The following BTBD1 variants were observed in gnomAD, a reference collection of about 807,000 sequenced individuals.
The protein encoded by BTBD1 is BTB/POZ domain-containing protein 1.
BTBD1 carries 34 observed loss-of-function variants against 48.0 expected under a neutral mutation model. That is an observed-to-expected ratio of 0.71 (90% CI 0.54 to 0.94). The LOEUF is 0.94. Among genes scored for constraint, BTBD1 ranks in the 40% least tolerant of loss-of-function variants. BTBD1 has a pLI of 0.00. For synonymous variants in BTBD1, 261 were observed against 242.1 expected, an observed-to-expected ratio of 1.08 and a Z score of -0.72; for missense variants, 543 against 625.6, an observed-to-expected ratio of 0.87 and a Z score of 1.41.
rs759552661 is a variant in BTBD1, at chr15:83,066,846, G to C, written c.306C>G (p.Ala102=). The change falls in exon 1 of 8, where the codon GCC becomes GCG. Residue 102 remains alanine (A), a synonymous_variant. Transcript: ENST00000261721. The stretch of plus-strand genomic sequence containing the variant: ...CGCCGTTGAACATGGCGTCAAAGAC[G>C]GCGCTGCCGGCCGCCAGCACGAAGC... ...AHRFVLAAGS[A]VFDAMFNGGM... The C allele has an allele frequency of 7.6e-6, 11 of 1,447,548 alleles. No homozygotes were observed. The Admixed American group carries it at 9.5e-5, about 12-fold the overall frequency. The allele number at this position is 1,447,548 out of a possible 1,614,324, so 89.7% of individuals were successfully genotyped here.
chr15:83,064,608 T>G (rs2033229681), intron 1 of BTBD1, among the ~76,000 whole-genome samples: 1 of 152,130 alleles, frequency 6.6e-6, no homozygotes, highest in Non-Finnish European at 1.5e-5. Flanking sequence ...AGATTTGTGG[T>G]TCTTAAATTT....
intron 5 of BTBD1, among the ~76,000 whole-genome samples, chr15:83,027,665 C>T (rs2032435158): frequency 6.6e-6 from 1 of 152,148 alleles, no homozygotes; most frequent in South Asian, 2.1e-4. Flanking sequence ...AGAAAGTGCC[C>T]CGAATATTGA....
Position 83,017,889 on chromosome 15 carries a change from ATC to A in BTBD1, c.*176_*177del, listed in dbSNP as rs2032202017. Reference sequence around the variant, plus strand: ...TCTTAAAGTTGTAAGAAAATGGAAAATCTGTTTTTAAATCATGCAAAGATTTA... The same window carrying A: ...TCTTAAAGTTGTAAGAAAATGGAAAATGTTTTTAAATCATGCAAAGATTTA... On this transcript the variant is annotated 3_prime_UTR_variant, in exon 8 of 8. Coordinates refer to ENST00000261721, the MANE Select transcript of BTBD1 (RefSeq NM_025238.4). 10 of 395,188 alleles carry A rather than the reference ATC, an allele frequency of 2.5e-5. No homozygotes were observed. Among genetic ancestry groups the A allele is most frequent in the Non-Finnish European group, 4.4e-6 (1 of 226,834 alleles). The allele number at this position is 395,188 out of a possible 1,614,324, so 24.5% of individuals were successfully genotyped here. A position where few individuals can be genotyped will look rare whatever the true frequency, so the allele number is the denominator to read the frequency against.
intron 4 of BTBD1, among the ~76,000 whole-genome samples, chr15:83,038,154 A>G (rs2032667509): frequency 6.6e-6 from 1 of 152,194 alleles, no homozygotes; most frequent in African/African-American, 2.4e-5. Flanking sequence ...GCCTCAGAAT[A>G]TAAAATTAAT....
chr15:83,067,046 G>A lies in BTBD1; in HGVS notation c.106C>T (p.Pro36Ser). Residue 36 changes from proline to serine, a missense_variant, in exon 1 of 8, where the codon CCC (proline) becomes TCC (serine). Transcript: ENST00000261721. ...GGTTCCCGCTGCAGGGGGAGCAGGG[G>A]CCCCAGAGAGGACGGTGAGGGCGGC... Reference protein sequence around the residue: ...PPPPSPSSLGPLLPLQREPLY... With the variant: ...PPPPSPSSLGSLLPLQREPLY... The A allele has an allele frequency of 1.3e-6, 2 of 1,580,062 alleles. No homozygotes were observed. Among genetic ancestry groups the A allele is most frequent in the African/African-American group, 1.4e-5 (1 of 71,200 alleles).
chr15:83,018,384 CTAAT>C (rs972911380), intron 7 of BTBD1, among the ~76,000 whole-genome samples, 159 bp from the exon 8 acceptor site: 3 of 152,214 alleles, frequency 2.0e-5, no homozygotes, highest in South Asian at 4.1e-4. Flanking sequence ...TACCAAAAAA[CTAAT>C]TAATGAATAA....
At chr15:83,059,758 T>A (rs2033147440) in intron 1 of BTBD1, among the ~76,000 whole-genome samples, 1 of 152,138 alleles carries the variant, frequency 6.6e-6, no homozygotes, top group Non-Finnish European at 1.5e-5. Context: ...CATTTTTTTT[T>A]ATGCTTTATG....
chr15:83,043,129 G>C (rs921063394), intron 3 of BTBD1, among the ~76,000 whole-genome samples: 7 of 152,212 alleles, frequency 4.6e-5, no homozygotes, highest in African/African-American at 1.7e-4. Context: ...AGGCAACAGA[G>C]TGAGACTGTG....
rs1321684487 is a variant in BTBD1 at position 83,056,464 on chromosome 15, T to C, written c.483A>G (p.Pro161=). ...TLYTAKKYAV[P]ALEAHCVEFL... ...ATTCTACACAGTGTGCTTCCAAGGC[T>C]GGGACTGCGTATTTCTTGGCAGTAT... Residue 161 remains proline (P), a synonymous_variant, in exon 2 of 8, where the codon CCA becomes CCG. Coordinates refer to ENST00000261721, the MANE Select transcript of BTBD1 (RefSeq NM_025238.4). The C allele has an allele frequency of 6.2e-7, 1 of 1,613,058 alleles. No homozygotes were observed. The highest frequency in any genetic ancestry group is 1.7e-5 in the Admixed American group (1 of 60,006).
chr15:83,034,390 G>C (rs1044504394), intron 4 of BTBD1, among the ~76,000 whole-genome samples: 1 of 152,178 alleles, frequency 6.6e-6, no homozygotes, highest in Non-Finnish European at 1.5e-5. Flanking sequence ...GAGGCAAGCT[G>C]ATCATTTGAG....
intron 4 of BTBD1, among the ~76,000 whole-genome samples, chr15:83,040,147 G>GT (rs1385677859): frequency 3.3e-5 from 5 of 152,036 alleles, no homozygotes; most frequent in Admixed American, 6.6e-5. Context: ...ACCAAATACC[G>GT]TATGTTCTCA....
At chr15:83,048,809 G>T (rs972485057) in intron 3 of BTBD1, among the ~76,000 whole-genome samples, 1 of 152,154 alleles carries the variant, frequency 6.6e-6, no homozygotes, top group East Asian at 1.9e-4. Context: ...AAATTGAACA[G>T]TGAAATAAAT....
intron 2 of BTBD1, among the ~76,000 whole-genome samples, chr15:83,051,877 T>TATATACACACACAC (rs1555441191): frequency 2.2e-5 from 3 of 138,816 alleles, no homozygotes; most frequent in African/African-American, 5.6e-5. Flanking sequence ...TCCATATATA[T>TATATACACACACAC]ACACACACAC....
intron 4 of BTBD1, chr15:83,030,863 T>C (rs1293128192): frequency 1.3e-5 from 2 of 152,190 alleles, no homozygotes; most frequent in African/African-American, 2.4e-5. Flanking sequence ...TTGCAAACTA[T>C]GCATCCAACA....
At chr15:83,036,411 T>C (rs982561752) in intron 4 of BTBD1, among the ~76,000 whole-genome samples, 72 of 152,262 alleles carry the variant, frequency 4.7e-4, no homozygotes, top group Non-Finnish European at 1.8e-4. Flanking sequence ...AAACTGACAA[T>C]ACCAAGTATT....
At chr15:83,053,095 G>A (rs767058752) in intron 2 of BTBD1, among the ~76,000 whole-genome samples, 3 of 152,060 alleles carry the variant, frequency 2.0e-5, no homozygotes, top group Non-Finnish European at 2.9e-5. Context: ...AATTTCCTAT[G>A]GAATCTACTG....
chr15:83,039,645 G>A (rs2032704795), intron 4 of BTBD1, among the ~76,000 whole-genome samples: 1 of 151,744 alleles, frequency 6.6e-6, no homozygotes, highest in Non-Finnish European at 1.5e-5. Flanking sequence ...TTGGTGGCGG[G>A]CGGGCGTATG....
intron 1 of BTBD1, among the ~76,000 whole-genome samples, chr15:83,063,922 T>C (rs375274736): frequency 2.0e-5 from 3 of 152,346 alleles, no homozygotes; most frequent in South Asian, 2.1e-4. Context: ...TTAGTTTCCC[T>C]TTACTAGATT....
At chr15:83,031,229 G>A (rs2032509182) in intron 4 of BTBD1, among the ~76,000 whole-genome samples, 1 of 152,200 alleles carries the variant, frequency 6.6e-6, no homozygotes, top group Non-Finnish European at 1.5e-5. Flanking sequence ...TCTAACTGGT[G>A]TGAGACGGTA....
Sources: gnomAD v4.1 joint callset for allele counts (sites outside exome capture counted in the v4.1 genomes callset) on GRCh38, gnomAD v4.1.1 for gene constraint, MANE v1.5 for transcripts, NCBI Gene and HGNC (gene_info 2026-07-23, HGNC 2026-07-21) for gene names.